The following PTPRH variants were observed in gnomAD, a reference collection of about 807,000 sequenced individuals.
PTPRH encodes the protein protein tyrosine phosphatase receptor type H.
A neutral mutation model predicts 130.2 loss-of-function variants in PTPRH; 113 were observed. The ratio of observed to expected loss-of-function variants is 0.87; its 90% confidence interval spans 0.75 to 1.01. The LOEUF is 1.01. Ranked by LOEUF, PTPRH falls within the 50% of genes least tolerant of loss-of-function variation. PTPRH has a pLI of 0.00. For missense variants in PTPRH, 1,430 were observed against 1,425.0 expected, an observed-to-expected ratio of 1.00 and a Z score of -0.06; for synonymous variants, 556 against 577.9, an observed-to-expected ratio of 0.96 and a Z score of 0.54.
At chr19:55,187,386 G>GA (rs929088425) in intron 14 of PTPRH, 127 bp downstream of exon 14, 5,158 of 330,944 alleles carry the variant, frequency 0.016, no homozygotes, top group East Asian at 0.019. Context: ...AAAAAAGGAA[G>GA]AAAAAAAAAA....
intron 13 of PTPRH, 73 bp downstream of exon 13, chr19:55,188,005 G>C: frequency 1.1e-6 from 1 of 934,904 alleles, no homozygotes; most frequent in Non-Finnish European, 1.6e-6. Context: ...CGTGAGGTCT[G>C]GCCAGGGGGT....
At chr19:55,182,486 G>A (rs539175800) in intron 18 of PTPRH, among the ~76,000 whole-genome samples, 1 of 152,274 alleles carries the variant, frequency 6.6e-6, no homozygotes, top group South Asian at 2.1e-4. Flanking sequence ...TCACACCACT[G>A]CACTCCAGCC....
rs199870335 is a variant in PTPRH, at chr19:55,185,671, A to C, written c.2902-9T>G. The C allele has an allele frequency of 6.2e-7, 1 of 1,613,584 alleles. No individual in the cohort carries two copies. Among genetic ancestry groups the C allele is most frequent in the Non-Finnish European group, 8.5e-7 (1 of 1,179,676 alleles). On this transcript the variant is annotated splice_polypyrimidine_tract_variant and intron_variant, in intron 17 of 19. Transcript: ENST00000376350. ...GTCTTCTGCTCCTCCACCTGGAAGGAGGGAGCACTCACAGGCTCTGGAGAT... is the reference window on the plus strand; with the variant it reads ...GTCTTCTGCTCCTCCACCTGGAAGGCGGGAGCACTCACAGGCTCTGGAGAT...
chr19:55,191,450 C>T (rs747698536), intron 12 of PTPRH, 51 bp downstream of exon 12: 10 of 1,602,072 alleles, frequency 6.2e-6, no homozygotes, highest in Non-Finnish European at 2.6e-6. Flanking sequence ...AGCAAACACC[C>T]CTTGATTTGA....
chr19:55,197,517 G>A, intron 8 of PTPRH, 101 bp from the exon 9 acceptor site: 1 of 1,146,852 alleles, frequency 8.7e-7, no homozygotes, highest in Non-Finnish European at 1.2e-6. Flanking sequence ...ATCCATTATT[G>A]ATGGCTCCAG....
intron 12 of PTPRH, 99 bp from the exon 13 acceptor site, chr19:55,188,267 C>A: frequency 1.1e-6 from 1 of 948,320 alleles, no homozygotes; most frequent in Non-Finnish European, 1.7e-6. Flanking sequence ...AATCCCAGCA[C>A]TTTGGGAGGC....
chr19:55,182,883 C>A (rs1362982729), intron 18 of PTPRH, among the ~76,000 whole-genome samples: 1 of 151,942 alleles, frequency 6.6e-6, no homozygotes, highest in Admixed American at 6.6e-5. Context: ...CACCCTTGAC[C>A]TCCTGGGCTC....
At chr19:55,187,271 G>A (rs1443182954) in intron 14 of PTPRH, among the ~76,000 whole-genome samples, 1 of 127,936 alleles carries the variant, frequency 7.8e-6, no homozygotes, top group Middle Eastern at 4.8e-3. Flanking sequence ...CGTGAACCCG[G>A]GAGGCGGAGC....
At chr19:55,183,210 A>G (rs1416700273) in intron 18 of PTPRH, among the ~76,000 whole-genome samples, 2 of 146,328 alleles carry the variant, frequency 1.4e-5, no homozygotes, top group Non-Finnish European at 3.0e-5. Context: ...CCTGGCCAAT[A>G]TGGTGAAACC....
intron 5 of PTPRH, among the ~76,000 whole-genome samples, chr19:55,203,034 A>C (rs545026035): frequency 4.5e-4 from 61 of 135,872 alleles, no homozygotes; most frequent in African/African-American, 1.5e-3. Flanking sequence ...ACTCTGTCCC[A>C]AAAAAAAAAA....
intron 10 of PTPRH, 72 bp from the exon 11 acceptor site, chr19:55,191,813 GCCTTT>G: frequency 7.6e-7 from 1 of 1,320,354 alleles, no homozygotes; most frequent in African/African-American, 1.4e-5. Flanking sequence ...ACCCTGCCCA[GCCTTT>G]CCTCTTCCCC....
intron 10 of PTPRH, chr19:55,194,086 G>A (rs2147470240): frequency 8.8e-7 from 1 of 1,130,944 alleles, no homozygotes; most frequent in South Asian, 1.3e-5. Context: ...CCAACCACAG[G>A]TGATCCTCCC....
intron 12 of PTPRH, among the ~76,000 whole-genome samples, chr19:55,190,659 C>G (rs2086509150): frequency 7.3e-6 from 1 of 137,778 alleles, no homozygotes; most frequent in Non-Finnish European, 1.5e-5. Context: ...GAGACAGAGT[C>G]TCACTCTGTT....
chr19:55,204,099 C>G (rs45465891), intron 4 of PTPRH, 51 bp from the exon 5 acceptor site: 1 of 1,512,694 alleles, frequency 6.6e-7, no homozygotes. Flanking sequence ...CAGAACATAA[C>G]GGGGGCAGCC....
At position 55,209,335 on chromosome 19, in the gene PTPRH, C is replaced by A; in HGVS notation, c.51+48G>T. On this transcript the variant is annotated intron_variant, in intron 1 of 19. Transcript: ENST00000376350. This position sits in a 1 kb window ranked among gnomAD's most constrained non-coding sequence, Gnocchi z 4.1. The stretch of plus-strand genomic sequence containing the variant: ...GGCACCCAGCTCCTTCTCCCTCAGA[C>A]CTGGGAGTCCCTGCCTTGGGAGCCC... 1 of 1,517,220 alleles carries A rather than the reference C, an allele frequency of 6.6e-7. No homozygotes were observed. Among genetic ancestry groups the A allele is most frequent in the Non-Finnish European group, 9.0e-7 (1 of 1,114,748 alleles). 94.0% of individuals were successfully genotyped at this position (1,517,220 alleles called of 1,614,324 possible).
rs1568883600 is a variant in PTPRH, at chr19:55,181,467, C to T, written c.*287G>A. The T allele has an allele frequency of 8.3e-6, 3 of 362,540 alleles. No individual in the cohort carries two copies. The East Asian group carries it at 1.4e-4, about 17-fold the overall frequency. The allele number at this position is 362,540 out of a possible 1,614,324, so 22.5% of individuals were successfully genotyped here. A position where few individuals can be genotyped will look rare whatever the true frequency, so the allele number is the denominator to read the frequency against. On this transcript the variant is annotated 3_prime_UTR_variant, in exon 20 of 20. Transcript: ENST00000376350. ...ATTCCTTCCTGCCTCAGAATCCAGG[C>T]CCCAGCCTGTTTCTTTCTGCATCCT... is the stretch of plus-strand genomic sequence containing the variant.
intron 10 of PTPRH, among the ~76,000 whole-genome samples, chr19:55,194,495 A>C (rs960673710): frequency 3.9e-5 from 6 of 152,162 alleles, no homozygotes; most frequent in Middle Eastern, 3.2e-3. Flanking sequence ...TCCACTGGTC[A>C]CCACATCAAC....
chr19:55,203,040 A>C (rs2086915616), intron 5 of PTPRH, among the ~76,000 whole-genome samples: 1 of 150,330 alleles, frequency 6.7e-6, no homozygotes, highest in Non-Finnish European at 1.5e-5. Context: ...TCCCAAAAAA[A>C]AAAAAGGGCT....
chr19:55,206,244 A>T (rs931536341), intron 3 of PTPRH, among the ~76,000 whole-genome samples: 2 of 152,106 alleles, frequency 1.3e-5, no homozygotes, highest in African/African-American at 4.8e-5. Flanking sequence ...AAAAAAAAAA[A>T]AATTGTATCT....
Sources: gnomAD v4.1 joint callset for allele counts (sites outside exome capture counted in the v4.1 genomes callset) on GRCh38, gnomAD v4.1.1 for gene constraint, Gnocchi (gnomAD v3.1) non-coding constraint, MANE v1.5 for transcripts, NCBI Gene and HGNC (gene_info 2026-07-23, HGNC 2026-07-21) for gene names.